The following TCF4 variants were observed in gnomAD, a reference collection of about 807,000 sequenced individuals.
TCF4 encodes SL3-3 enhancer factor 2.
TCF4 carries 3 observed loss-of-function variants against 82.1 expected under a neutral mutation model. That is an observed-to-expected ratio of 0.04 (90% CI 0.02 to 0.09). TCF4 has a LOEUF of 0.09. TCF4 is among the 10% of genes least tolerant of loss of function. TCF4 has a pLI of 1.00. For synonymous variants in TCF4, 276 were observed against 309.6 expected (o/e 0.89, Z 1.14); for missense variants, 518 against 852.7 (o/e 0.61, Z 4.89).
chr18:55,633,360 T>C lies in TCF4; in HGVS notation c.196-1972A>G, dbSNP rs1469384853. The stretch of plus-strand genomic sequence containing the variant: ...GGACTCGCCACAGTCTGCTTGAGTG[T>C]CTTTATGATATGGGGGTTGGCTTCT... On this transcript the variant is annotated intron_variant, in intron 1 of 20. Coordinates refer to the TCF4 transcript ENST00000398339. The surrounding 1 kb of genome is among the most constrained non-coding windows in gnomAD (Gnocchi z 4.0). Among the ~76,000 whole-genome samples, 1 of 152,158 alleles carries C rather than the reference T, an allele frequency of 6.6e-6. No individual in the cohort carries two copies. The highest frequency in any genetic ancestry group is 1.5e-5 in the Non-Finnish European group (1 of 68,028).
intron 3 of TCF4, among the ~76,000 whole-genome samples, chr18:55,492,911 G>A (rs1042789646): frequency 6.6e-6 from 1 of 152,058 alleles, no homozygotes; most frequent in Admixed American, 6.6e-5. Context: ...CTGTTAAGAG[G>A]GTAAGAGAAG....
chr18:55,399,516 G>A (rs1482938364), intron 6 of TCF4, among the ~76,000 whole-genome samples: 1 of 152,154 alleles, frequency 6.6e-6, no homozygotes, highest in Non-Finnish European at 1.5e-5. Context: ...TATGGGCTGG[G>A]ACATTCAGTT....
intron 8 of TCF4, among the ~76,000 whole-genome samples, chr18:55,342,890 C>A (rs2080297017): frequency 1.3e-5 from 2 of 152,084 alleles, no homozygotes; most frequent in South Asian, 4.1e-4. Context: ...ACTGCTTTCT[C>A]ATAGCAGCTA....
At chr18:55,565,977 G>A (rs2097401918) in intron 3 of TCF4, among the ~76,000 whole-genome samples, 1 of 149,900 alleles carries the variant, frequency 6.7e-6, no homozygotes, top group South Asian at 2.1e-4. Context: ...TGAGGCAGGC[G>A]ATCACGAGGT....
intron 3 of TCF4, among the ~76,000 whole-genome samples, chr18:55,483,148 G>T (rs1242356294): frequency 6.6e-6 from 1 of 152,178 alleles, no homozygotes; most frequent in Non-Finnish European, 1.5e-5. Context: ...ATGGATGGCT[G>T]TGTCTTTAGC....
chr18:55,559,268 G>A (rs898670760), intron 3 of TCF4, among the ~76,000 whole-genome samples: 1 of 151,754 alleles, frequency 6.6e-6, no homozygotes, highest in African/African-American at 2.4e-5. Flanking sequence ...TTTTAAGACT[G>A]CTATTATTCA....
rs2046461808 is a variant in TCF4 at position 55,225,409 on chromosome 18, T to C, written c.*2626A>G. ...TCTATTAAGCACCTTTATGATAACATGTATCAAAAGTGCCATTCTTAAAAT... is the reference window on the plus strand; with the variant it reads ...TCTATTAAGCACCTTTATGATAACACGTATCAAAAGTGCCATTCTTAAAAT... On this transcript the variant is annotated 3_prime_UTR_variant, in exon 20 of 20. Coordinates refer to ENST00000354452, the MANE Select transcript of TCF4 (RefSeq NM_001083962.2). 1 of 152,614 alleles carries C rather than the reference T, an allele frequency of 6.6e-6. No homozygotes were observed. Among genetic ancestry groups the C allele is most frequent in the Admixed American group, 6.5e-5 (1 of 15,272 alleles). The allele number at this position is 152,614 out of a possible 1,614,324, so 9.5% of individuals were successfully genotyped here. A position where few individuals can be genotyped will look rare whatever the true frequency, so the allele number is the denominator to read the frequency against.
chr18:55,595,443 G>A (rs1169005491), intron 2 of TCF4, among the ~76,000 whole-genome samples: 2 of 152,160 alleles, frequency 1.3e-5, no homozygotes, highest in Non-Finnish European at 2.9e-5. Flanking sequence ...GTATCCTTAA[G>A]ACCCAACACA....
chr18:55,406,831 C>T (rs947094570), intron 5 of TCF4, among the ~76,000 whole-genome samples: 1 of 152,146 alleles, frequency 6.6e-6, no homozygotes. Flanking sequence ...TGAACAAACC[C>T]GGCGCGTTCA....
At chr18:55,516,283 T>C (rs919918317) in intron 3 of TCF4, among the ~76,000 whole-genome samples, 2 of 152,178 alleles carry the variant, frequency 1.3e-5, no homozygotes, top group African/African-American at 4.8e-5. Context: ...ACTTTTTCTA[T>C]GACATATCTG....
At chr18:55,632,195 C>T (rs940303691) in intron 1 of TCF4, among the ~76,000 whole-genome samples, 5 of 152,132 alleles carry the variant, frequency 3.3e-5, no homozygotes, top group African/African-American at 1.2e-4. Flanking sequence ...CCTGCAACCA[C>T]ATCCTGCTAA....
intron 5 of TCF4, among the ~76,000 whole-genome samples, chr18:55,405,798 T>C (rs947965647): frequency 5.9e-5 from 9 of 152,108 alleles, no homozygotes; most frequent in African/African-American, 2.2e-4. Flanking sequence ...AGAATATGAA[T>C]TCACGCTGCA....
chr18:55,408,362 C>T (rs1190267473), intron 5 of TCF4, among the ~76,000 whole-genome samples: 2 of 152,080 alleles, frequency 1.3e-5, no homozygotes, highest in African/African-American at 2.4e-5. Context: ...CTAGGGAACT[C>T]ATCATAAACA....
intron 3 of TCF4, among the ~76,000 whole-genome samples, chr18:55,570,225 T>C (rs1437995335): frequency 3.3e-5 from 5 of 152,158 alleles, no homozygotes; most frequent in Non-Finnish European, 1.5e-5. Context: ...AAAACTTAAA[T>C]GTGATAGGCA....
chr18:55,560,449 G>A (rs963154078), intron 3 of TCF4, among the ~76,000 whole-genome samples: 1 of 152,178 alleles, frequency 6.6e-6, no homozygotes, highest in Non-Finnish European at 1.5e-5. Flanking sequence ...CCACTCTAAT[G>A]GCAGGTAGGT....
intron 11 of TCF4, chr18:55,269,041 C>G (rs574491922): frequency 6.6e-6 from 1 of 152,318 alleles, no homozygotes; most frequent in Non-Finnish European, 1.5e-5. Flanking sequence ...CCTCTTCCCT[C>G]CAGGGGCAGC....
intron 5 of TCF4, among the ~76,000 whole-genome samples, chr18:55,430,252 C>T (rs1333400019): frequency 6.6e-6 from 1 of 152,092 alleles, no homozygotes; most frequent in Non-Finnish European, 1.5e-5. Context: ...TTCTCCCTTC[C>T]AGTACTTGCC....
rs546224088 is a variant in TCF4 at position 55,574,320 on chromosome 18, A to ATATTT, written c.145+10955_145+10959dup. On this transcript the variant is annotated intron_variant, in intron 3 of 19. Coordinates refer to ENST00000354452, the MANE Select transcript of TCF4 (RefSeq NM_001083962.2). ...AAAAAGTATACTTGCATATTTCAAC[A>ATATTT]TATTTTATTTTATTTTATTTTTGAG... Among the ~76,000 whole-genome samples the ATATTT allele has an allele frequency of 8.8e-3, 1,339 of 152,200 alleles. 16 individuals carry two copies. Among genetic ancestry groups the ATATTT allele is most frequent in the Admixed American group, 0.03 (451 of 15,270 alleles).
upstream of TCF4, among the ~76,000 whole-genome samples, chr18:55,591,580 C>T (rs556616064): frequency 8.7e-4 from 133 of 152,298 alleles, no homozygotes; most frequent in African/African-American, 3.2e-3. Flanking sequence ...TGCAATGGCA[C>T]GATCTTGGCT....
Sources: gnomAD v4.1 joint callset for allele counts (sites outside exome capture counted in the v4.1 genomes callset) on GRCh38, gnomAD v4.1.1 for gene constraint, Gnocchi (gnomAD v3.1) non-coding constraint, MANE v1.5 for transcripts, NCBI Gene and HGNC (gene_info 2026-07-23, HGNC 2026-07-21) for gene names.